SLC25A24: variants seen among roughly 807,000 people sequenced by gnomAD.
SLC25A24 encodes solute carrier family 25 member 24.
Under a neutral mutation model 60.7 loss-of-function variants are expected in SLC25A24, and 49 were observed. The ratio of observed to expected loss-of-function variants is 0.81; its 90% CI spans 0.64 to 1.02. SLC25A24 has a LOEUF of 1.02. SLC25A24 is among the 50% of genes least tolerant of loss of function. The pLI is 0.00. For missense variants in SLC25A24, 564 were observed against 586.3 expected (o/e 0.96, Z 0.39); for synonymous variants, 202 against 200.6 (o/e 1.01, Z -0.06).
At chr1:108,176,742 A>T (rs1044604924) in intron 3 of SLC25A24, among the ~76,000 whole-genome samples, 1 of 152,224 alleles carries the variant, frequency 6.6e-6, no homozygotes, top group Non-Finnish European at 1.5e-5. Context: ...GCGTTCAAGG[A>T]GAAAAATACC....
Position 108,165,232 on chromosome 1 carries a change from A to G in SLC25A24, c.399-3939T>C, listed in dbSNP as rs546805511. Among the ~76,000 whole-genome samples, 19 of 152,266 alleles carry G rather than the reference A, an allele frequency of 1.2e-4. No individual in the cohort carries two copies. The South Asian group carries it at 1.9e-3, about 15-fold the overall frequency. On this transcript the variant is annotated intron_variant, in intron 3 of 9. Coordinates refer to ENST00000565488, the MANE Select transcript of SLC25A24 (RefSeq NM_013386.5). ...TTCCAAGTATGTGGTCAATTTTGGAATAGCCGTGGTGTGGTGCTGAAAAAA... is the reference window on the plus strand; with the variant it reads ...TTCCAAGTATGTGGTCAATTTTGGAGTAGCCGTGGTGTGGTGCTGAAAAAA...
At chr1:108,183,103 G>A (rs1408905269) in intron 2 of SLC25A24, among the ~76,000 whole-genome samples, 1 of 152,196 alleles carries the variant, frequency 6.6e-6, no homozygotes, top group Non-Finnish European at 1.5e-5. Flanking sequence ...CAAAGTAAGA[G>A]AGGGTCTGGT....
At chr1:108,185,534 T>A (rs1648089943) in intron 2 of SLC25A24, among the ~76,000 whole-genome samples, 2 of 152,146 alleles carry the variant, frequency 1.3e-5, no homozygotes, top group Admixed American at 1.3e-4. Flanking sequence ...CAGGTTTAAC[T>A]CAAATCAGCA....
chr1:108,139,624 G>A lies in SLC25A24; in HGVS notation c.1099-416C>T, dbSNP rs558813624. ...AGAAATGAGAAAAATTCATCTCAGC[G>A]GAGTTTTTGTTTGTTTTTTTGAGAT... is the stretch of plus-strand genomic sequence containing the variant. On this transcript the variant is annotated intron_variant, in intron 8 of 9. Transcript: ENST00000565488. 6.8e-4 allele frequency among the ~76,000 whole-genome samples: 103 copies of A among 152,118 alleles called. 1 individual carries two copies. Among genetic ancestry groups the A allele is most frequent in the Middle Eastern group, 6.8e-3 (2 of 294 alleles).
chr1:108,158,782 A>G (rs982699606), intron 4 of SLC25A24, among the ~76,000 whole-genome samples: 4 of 151,778 alleles, frequency 2.6e-5, no homozygotes, highest in Non-Finnish European at 5.9e-5. Context: ...CGGGCGGATT[A>G]CAAGGTCAGG....
At chr1:108,184,694 AT>A (rs1648059069) in intron 2 of SLC25A24, among the ~76,000 whole-genome samples, 1 of 152,218 alleles carries the variant, frequency 6.6e-6, no homozygotes, top group Non-Finnish European at 1.5e-5. Flanking sequence ...TCATTTACAT[AT>A]TATCCATGGC....
rs1679284088 is a variant in SLC25A24 at position 108,136,421 on chromosome 1, A to G, written c.*232T>C. 2 of 394,094 alleles carry G rather than the reference A, an allele frequency of 5.1e-6. No individual in the cohort carries two copies. Among genetic ancestry groups the G allele is most frequent in the African/African-American group, 2.1e-5 (1 of 48,462 alleles). 24.4% of individuals were successfully genotyped at this position (394,094 alleles called of 1,614,324 possible). A position where few individuals can be genotyped will look rare whatever the true frequency, so the allele number is the denominator to read the frequency against. ...AGAGATTTGCAGGATTATTAAGAAAAGATAAAGTATAATTGTGTGGCCTTT... is the reference window on the plus strand; with the variant it reads ...AGAGATTTGCAGGATTATTAAGAAAGGATAAAGTATAATTGTGTGGCCTTT... On this transcript the variant is annotated 3_prime_UTR_variant, in exon 10 of 10. Coordinates refer to ENST00000565488, the MANE Select transcript of SLC25A24 (RefSeq NM_013386.5).
rs575918839 is a variant in SLC25A24 at position 108,189,870 on chromosome 1, A to T, written c.184-3916T>A. On this transcript the variant is annotated intron_variant, in intron 1 of 9. Transcript: ENST00000565488. Reference sequence around the variant, plus strand: ...AAGATAAAGTAAAAAAAAATTAAAAAATATATATATATATGTATATATAGA... The same window carrying T: ...AAGATAAAGTAAAAAAAAATTAAAATATATATATATATATGTATATATAGA... Among the ~76,000 whole-genome samples, 256 of 149,674 alleles carry T rather than the reference A, an allele frequency of 1.7e-3. 2 individuals are homozygous for T. The Middle Eastern group carries it at 0.021, about 12-fold the overall frequency.
intron 5 of SLC25A24, among the ~76,000 whole-genome samples, chr1:108,156,646 A>G (rs1175825886): frequency 1.3e-5 from 2 of 152,248 alleles, no homozygotes; most frequent in African/African-American, 4.8e-5. Flanking sequence ...AATATTTTGT[A>G]AACAACTACT....
intron 1 of SLC25A24, among the ~76,000 whole-genome samples, chr1:108,195,202 C>T (rs924395514): frequency 3.3e-5 from 5 of 151,856 alleles, no homozygotes; most frequent in African/African-American, 9.7e-5. Flanking sequence ...TCTGGAATAC[C>T]GATAAAGAAA....
chr1:108,197,609 G>A (rs938567299), intron 1 of SLC25A24, among the ~76,000 whole-genome samples: 2 of 152,138 alleles, frequency 1.3e-5, no homozygotes, highest in South Asian at 2.1e-4. Flanking sequence ...GTATCAACTC[G>A]TCTGGACTAA....
Position 108,136,625 on chromosome 1 carries a change from T to C in SLC25A24, c.*28A>G. On this transcript the variant is annotated 3_prime_UTR_variant, in exon 10 of 10. Transcript: ENST00000565488. ...CTCCAGAGATTGTTGAAAGTTTCAATTATCAGGCTAAAGCAAAAAATGCAA... is the reference window on the plus strand; with the variant it reads ...CTCCAGAGATTGTTGAAAGTTTCAACTATCAGGCTAAAGCAAAAAATGCAA... 1.3e-6 allele frequency: 2 copies of C among 1,587,926 alleles called. No homozygotes were observed. The highest frequency in any genetic ancestry group is 1.7e-6 in the Non-Finnish European group (2 of 1,160,238).
At chr1:108,183,667 C>T (rs529535323) in intron 2 of SLC25A24, among the ~76,000 whole-genome samples, 2 of 152,132 alleles carry the variant, frequency 1.3e-5, no homozygotes, top group Non-Finnish European at 2.9e-5. Flanking sequence ...GGCTTTCTTG[C>T]ACTTAGGAAC....
At chr1:108,144,153 G>GT (rs1468223011) in intron 7 of SLC25A24, among the ~76,000 whole-genome samples, 2 of 152,064 alleles carry the variant, frequency 1.3e-5, no homozygotes, top group Non-Finnish European at 2.9e-5. Context: ...TGAGAGGTGT[G>GT]TGGAGTAATA....
At chr1:108,154,749 T>C (rs1679847959) in intron 6 of SLC25A24, among the ~76,000 whole-genome samples, 1 of 151,580 alleles carries the variant, frequency 6.6e-6, no homozygotes, top group Non-Finnish European at 1.5e-5. Context: ...AAGAACTACT[T>C]AGAAAAAAAA....
chr1:108,152,195 CCT>C (rs953085477), intron 6 of SLC25A24, among the ~76,000 whole-genome samples: 6 of 152,066 alleles, frequency 3.9e-5, no homozygotes, highest in Admixed American at 1.3e-4. Context: ...ACATTTGGCC[CCT>C]GTTTATCTGT....
rs1000747518 is a variant in SLC25A24 at position 108,136,492 on chromosome 1, T to C, written c.*161A>G. Reference sequence around the variant, plus strand: ...GATTTTGAACATTTCTGTGTACATATAATTTAGCCCAAAAGTTTGAAGTGA... The same window carrying C: ...GATTTTGAACATTTCTGTGTACATACAATTTAGCCCAAAAGTTTGAAGTGA... On this transcript the variant is annotated 3_prime_UTR_variant, in exon 10 of 10. Transcript: ENST00000565488. 1.7e-6 allele frequency: 1 copy of C among 603,572 alleles called. No individual in the cohort carries two copies. Among genetic ancestry groups the C allele is most frequent in the Non-Finnish European group, 2.9e-6 (1 of 343,450 alleles). 37.4% of individuals were successfully genotyped at this position (603,572 alleles called of 1,614,324 possible).
intron 1 of SLC25A24, among the ~76,000 whole-genome samples, chr1:108,187,907 G>A (rs1215014852): frequency 1.2e-4 from 5 of 43,466 alleles, no homozygotes; most frequent in South Asian, 5.5e-4. Context: ...CATAATACAC[G>A]AAATGGATAA....
chr1:108,170,958 G>T (rs1647440474), intron 3 of SLC25A24, among the ~76,000 whole-genome samples: 1 of 152,114 alleles, frequency 6.6e-6, no homozygotes, highest in Non-Finnish European at 1.5e-5. Flanking sequence ...CCCCATTTGA[G>T]AATGGGGATG....
Sources: gnomAD v4.1 joint callset for allele counts (sites outside exome capture counted in the v4.1 genomes callset) on GRCh38, gnomAD v4.1.1 for gene constraint, MANE v1.5 for transcripts, NCBI Gene and HGNC (gene_info 2026-07-23, HGNC 2026-07-21) for gene names.